Variants in TSPAN18 observed in about 807,000 individuals in gnomAD.
The protein encoded by TSPAN18 is tetraspanin-18.
In TSPAN18, 14 loss-of-function variants were observed where a neutral mutation model predicts 27.3. The ratio of observed to expected loss-of-function variants is 0.51; its 90% CI spans 0.34 to 0.80. The LOEUF (loss-of-function observed/expected upper bound fraction) is 0.80. Ranked by LOEUF, TSPAN18 falls within the 30% of genes least tolerant of loss-of-function variation. The probability of loss-of-function intolerance (pLI) is 0.01; values close to 1 mark genes in which losing one functional copy is unlikely to be tolerated. For missense variants in TSPAN18, 268 were observed against 323.9 expected, an observed-to-expected ratio of 0.83 and a Z score of 1.32; for synonymous variants, 143 against 136.5, an observed-to-expected ratio of 1.05 and a Z score of -0.33.
chr11:44,926,834 C>A (rs1312399716), intron 9 of TSPAN18, 77 bp downstream of exon 9: 1 of 1,509,936 alleles, frequency 6.6e-7, no homozygotes, highest in Admixed American at 1.7e-5. Context: ...CCCCAGCCTC[C>A]TTTCCTCTTC....
chr11:44,770,974 T>C (rs1357353065), intron 2 of TSPAN18, among the ~76,000 whole-genome samples: 1 of 151,986 alleles, frequency 6.6e-6, no homozygotes, highest in East Asian at 1.9e-4. Flanking sequence ...TTGAGATGCT[T>C]ATTAGCCACT....
At chr11:44,816,092 T>C (rs983719047) in intron 2 of TSPAN18, among the ~76,000 whole-genome samples, 3 of 152,226 alleles carry the variant, frequency 2.0e-5, no homozygotes, top group African/African-American at 7.2e-5. Context: ...CCTTAGTTTC[T>C]TGTCTGTAAA....
chr11:44,735,081 C>T (rs903595554), intron 1 of TSPAN18, among the ~76,000 whole-genome samples: 3 of 152,204 alleles, frequency 2.0e-5, no homozygotes, highest in Admixed American at 6.5e-5. Flanking sequence ...TTCTGAGATG[C>T]GCATTCTTCT....
In TSPAN18 at chr11:44,926,751, C is replaced by T. The variant is rs538258906; in HGVS notation, c.693C>T (p.Ala231=). The change falls in exon 9 of 10, where the codon GCC becomes GCT. Residue 231 remains alanine (A), a synonymous_variant. Transcript: ENST00000520358. Reference sequence around the variant, plus strand: ...GAGCCCTTGCCATCGGGGTACTGGCCATCGAGGTAAGTAAAGGCCCCCACT... The same window carrying T: ...GAGCCCTTGCCATCGGGGTACTGGCTATCGAGGTAAGTAAAGGCCCCCACT... ...LAGALAIGVL[A]IELFAMIFAM... is the part of the protein sequence containing the mutation. 6.2e-7 allele frequency: 1 copy of T among 1,614,126 alleles called. No individual in the cohort carries two copies. Among genetic ancestry groups the T allele is most frequent in the African/African-American group, 1.3e-5 (1 of 75,044 alleles).
intron 3 of TSPAN18, among the ~76,000 whole-genome samples, chr11:44,890,616 G>A (rs935306125): frequency 2.4e-4 from 36 of 152,086 alleles, no homozygotes; most frequent in Admixed American, 1.4e-3. Context: ...CCAGCTACTC[G>A]GGAGGCTGAG....
chr11:44,761,867 A>G (rs1216615296), intron 1 of TSPAN18, among the ~76,000 whole-genome samples: 1 of 152,206 alleles, frequency 6.6e-6, no homozygotes, highest in East Asian at 1.9e-4. Flanking sequence ...GCGATGCTGC[A>G]GACAGTAGAG....
intron 2 of TSPAN18, among the ~76,000 whole-genome samples, chr11:44,838,528 G>A (rs1857307679): frequency 6.6e-6 from 1 of 152,194 alleles, no homozygotes; most frequent in Non-Finnish European, 1.5e-5. Flanking sequence ...TGTTTTTGAG[G>A]TGGGGAGGTT....
At chr11:44,882,553 C>T (rs775192712) in intron 3 of TSPAN18, among the ~76,000 whole-genome samples, 3 of 149,382 alleles carry the variant, frequency 2.0e-5, no homozygotes, top group Non-Finnish European at 4.4e-5. Flanking sequence ...TAGCAGGTAG[C>T]GTTCCACCTC....
intron 2 of TSPAN18, among the ~76,000 whole-genome samples, chr11:44,848,739 C>A (rs560792859): frequency 5.9e-5 from 9 of 152,356 alleles, no homozygotes; most frequent in African/African-American, 2.2e-4. Context: ...TCGGAGCTGC[C>A]TCCTGGAGTC....
chr11:44,926,800 C>G, intron 9 of TSPAN18, 43 bp downstream of exon 9: 1 of 1,593,154 alleles, frequency 6.3e-7, no homozygotes, highest in Non-Finnish European at 8.6e-7. Context: ...AGGATGAAGC[C>G]TCACGTGGAG....
chr11:44,730,283 C>T lies in TSPAN18; in HGVS notation c.-240+2996C>T, dbSNP rs531538837. Among the ~76,000 whole-genome samples, 5 of 152,184 alleles carry T rather than the reference C, an allele frequency of 3.3e-5. No homozygotes were observed. In the East Asian group the frequency reaches 5.8e-4, roughly 18 times the overall value. ...GGAGCCCCATGTTAGTCTGCAGGCT[C>T]GCTCCCCACTCTTCTTGGGAAGAGC... On this transcript the variant is annotated intron_variant, in intron 1 of 9. Transcript: ENST00000520358.
At chr11:44,785,502 T>G (rs1856034213) in intron 2 of TSPAN18, among the ~76,000 whole-genome samples, 1 of 151,654 alleles carries the variant, frequency 6.6e-6, no homozygotes, top group African/African-American at 2.4e-5. Flanking sequence ...AAAGTTATCC[T>G]CATGGTACAT....
chr11:44,886,041 C>T (rs766642138), intron 3 of TSPAN18: 45 of 152,540 alleles, frequency 3.0e-4, no homozygotes, highest in South Asian at 1.2e-3. Flanking sequence ...TGCCTTGGAG[C>T]TGGAGGATGC....
At chr11:44,796,438 C>T (rs559002247) in intron 2 of TSPAN18, among the ~76,000 whole-genome samples, 28 of 152,232 alleles carry the variant, frequency 1.8e-4, no homozygotes, top group South Asian at 1.7e-3. Flanking sequence ...TCCCTTCACA[C>T]GGTGGAGATA....
intron 2 of TSPAN18, among the ~76,000 whole-genome samples, chr11:44,786,968 C>G: frequency 6.6e-6 from 1 of 152,150 alleles, no homozygotes; most frequent in East Asian, 1.9e-4. Flanking sequence ...CTCCATTTTC[C>G]TCTGCCACCA....
intron 2 of TSPAN18, 96 bp from the exon 3 acceptor site, chr11:44,860,232 C>G (rs1356761243): frequency 2.6e-5 from 4 of 152,162 alleles, no homozygotes; most frequent in African/African-American, 7.2e-5. Context: ...GGTTCCATCA[C>G]TTCGCCTCCT....
At chr11:44,806,127 C>G (rs1002124931) in intron 2 of TSPAN18, among the ~76,000 whole-genome samples, 1 of 151,604 alleles carries the variant, frequency 6.6e-6, no homozygotes, top group African/African-American at 2.4e-5. Context: ...CTCCGCCTCC[C>G]GGGTTCAAGT....
At chr11:44,916,472 C>A (rs1859913824) in intron 5 of TSPAN18, among the ~76,000 whole-genome samples, 1 of 152,214 alleles carries the variant, frequency 6.6e-6, no homozygotes, top group African/African-American at 2.4e-5. Context: ...CACTCCCCTT[C>A]TGCACATGAG....
chr11:44,778,128 G>T (rs1182984135), intron 2 of TSPAN18, among the ~76,000 whole-genome samples: 1 of 152,136 alleles, frequency 6.6e-6, no homozygotes, highest in Non-Finnish European at 1.5e-5. Context: ...GGTAGAACTA[G>T]AAATGGGGGC....
Sources: allele counts gnomAD v4.1 joint callset (sites outside exome capture counted in the v4.1 genomes callset), GRCh38; gene constraint gnomAD v4.1.1; transcripts MANE v1.5; gene names NCBI Gene and HGNC (gene_info 2026-07-23, HGNC 2026-07-21).